The following CSF1R variants were observed in gnomAD, a reference collection of about 807,000 sequenced individuals.
CSF1R encodes macrophage colony-stimulating factor 1 receptor.
CSF1R carries 40 observed loss-of-function variants against 110.0 expected under a neutral mutation model. The ratio of observed to expected loss-of-function variants is 0.36; its 90% CI spans 0.28 to 0.47. The LOEUF (loss-of-function observed/expected upper bound fraction) is 0.47, where lower values mean the gene tolerates loss of function less well. Ranked by LOEUF, CSF1R falls within the 20% of genes least tolerant of loss-of-function variation. The pLI is 0.99. For synonymous variants in CSF1R, 523 were observed against 503.4 expected (o/e 1.04, Z -0.52); for missense variants, 1,052 against 1,253.0 (o/e 0.84, Z 2.42).
chr5:150,055,370 C>G, intron 18 of CSF1R, 34 bp from the exon 19 acceptor site: 1 of 1,568,390 alleles, frequency 6.4e-7, no homozygotes, highest in Non-Finnish European at 8.8e-7. Flanking sequence ...GAGGCCATGC[C>G]CATTGTCTTC....
chr5:150,101,513 G>A (rs1327370095), intron 1 of CSF1R, among the ~76,000 whole-genome samples: 1 of 152,202 alleles, frequency 6.6e-6, no homozygotes, highest in Non-Finnish European at 1.5e-5. Context: ...GGCAGAGGCA[G>A]GGAAGAGAAA....
chr5:150,082,963 C>T (rs1758616879), intron 1 of CSF1R, among the ~76,000 whole-genome samples: 2 of 152,164 alleles, frequency 1.3e-5, no homozygotes, highest in South Asian at 4.1e-4. Flanking sequence ...CTTCTCCCAT[C>T]CCTTCCCCCA....
intron 10 of CSF1R, among the ~76,000 whole-genome samples, chr5:150,062,524 A>T (rs1281846113): frequency 8.5e-6 from 1 of 117,068 alleles, no homozygotes; most frequent in East Asian, 2.4e-4. Context: ...GCATGTGTCT[A>T]TTGAGATTGC....
chr5:150,107,643 C>T (rs934657321), intron 1 of CSF1R, among the ~76,000 whole-genome samples: 1 of 152,236 alleles, frequency 6.6e-6, no homozygotes, highest in African/African-American at 2.4e-5. Flanking sequence ...CATGTTCAAC[C>T]ACTGTCTTTC....
chr5:150,098,890 CTTTT>C (rs34306632), intron 1 of CSF1R, among the ~76,000 whole-genome samples: 1 of 128,674 alleles, frequency 7.8e-6, no homozygotes, highest in Non-Finnish European at 1.6e-5. Context: ...ATACAAACAA[CTTTT>C]TTTTTTTTTT....
intron 1 of CSF1R, among the ~76,000 whole-genome samples, chr5:150,092,556 G>A (rs557073325): frequency 6.6e-6 from 1 of 152,282 alleles, no homozygotes; most frequent in South Asian, 2.1e-4. Context: ...TGGCTGAGGA[G>A]GCCTCAGAAT....
chr5:150,056,526 G>A (rs1164105867), intron 16 of CSF1R, among the ~76,000 whole-genome samples, 185 bp from the exon 17 acceptor site: 4 of 152,092 alleles, frequency 2.6e-5, no homozygotes, highest in South Asian at 4.2e-4. Flanking sequence ...AATGTGTATC[G>A]TGATCTGATC....
intron 5 of CSF1R, among the ~76,000 whole-genome samples, chr5:150,073,714 C>T (rs563097560): frequency 6.6e-6 from 1 of 152,294 alleles, no homozygotes; most frequent in South Asian, 2.1e-4. Flanking sequence ...AGAACCTGGG[C>T]AAATCCCTAT....
intron 1 of CSF1R, 58 bp from the exon 2 acceptor site, chr5:150,081,082 G>T: frequency 6.3e-7 from 1 of 1,584,936 alleles, no homozygotes; most frequent in Non-Finnish European, 8.6e-7. Context: ...CCCTTGGGCC[G>T]TCCTGACTCT....
rs987047281 is a variant in CSF1R, at chr5:150,060,844, G to C, written c.1969+18C>G. Reference sequence around the variant, plus strand: ...AGAGGCCCCAAGACCTTGGCCCCAGGAACCCCAAGGCCCTTACCTCCATGG... The same window carrying C: ...AGAGGCCCCAAGACCTTGGCCCCAGCAACCCCAAGGCCCTTACCTCCATGG... On this transcript the variant is annotated intron_variant, in intron 13 of 20. Coordinates refer to ENST00000675795, the MANE Select transcript of CSF1R (RefSeq NM_001288705.3). The C allele has an allele frequency of 3.8e-6, 6 of 1,563,682 alleles. No homozygotes were observed. In the African/African-American group the frequency reaches 8.1e-5, roughly 21 times the overall value.
chr5:150,091,969 T>G (rs1759058617), intron 1 of CSF1R, among the ~76,000 whole-genome samples: 1 of 147,958 alleles, frequency 6.8e-6, no homozygotes, highest in African/African-American at 2.5e-5. Context: ...GGAAATGGAA[T>G]AAAGGTAAGC....
intron 10 of CSF1R, 131 bp from the exon 11 acceptor site, chr5:150,061,980 CT>C: frequency 4.0e-6 from 5 of 1,259,520 alleles, no homozygotes; most frequent in Non-Finnish European, 4.5e-6. Flanking sequence ...GCAAGGCCTG[CT>C]CTGGGCTGAG....
intron 4 of CSF1R, 34 bp downstream of exon 4, chr5:150,078,078 G>A (rs1218119571): frequency 6.2e-7 from 1 of 1,612,196 alleles, no homozygotes; most frequent in African/African-American, 1.3e-5. Flanking sequence ...TGGGAGGATG[G>A]CCAGACTTCA....
intron 1 of CSF1R, chr5:150,094,831 G>A (rs1759167022): frequency 6.2e-6 from 8 of 1,296,234 alleles, no homozygotes; most frequent in Admixed American, 3.7e-5. Context: ...TTGATTGCTC[G>A]ATCTCTTGGT....
intron 16 of CSF1R, among the ~76,000 whole-genome samples, 189 bp downstream of exon 16, chr5:150,057,098 A>T (rs1388442196): frequency 6.6e-6 from 1 of 152,066 alleles, no homozygotes; most frequent in East Asian, 1.9e-4. Context: ...GCCCAGCCCC[A>T]GAGCTCCAGC....
chr5:150,087,207 T>C (rs983506817), upstream of CSF1R, among the ~76,000 whole-genome samples: 1 of 152,230 alleles, frequency 6.6e-6, no homozygotes, highest in African/African-American at 2.4e-5. Flanking sequence ...TGGGGAAATA[T>C]GCCCCATCCT....
At chr5:150,066,066 G>A (rs1757757297) in intron 10 of CSF1R, among the ~76,000 whole-genome samples, 1 of 152,318 alleles carries the variant, frequency 6.6e-6, no homozygotes, top group East Asian at 1.9e-4. Flanking sequence ...TCCTGTCCCT[G>A]GAGGTGGGTG....
chr5:150,095,119 A>T (rs1759182809), intron 1 of CSF1R: 1 of 697,938 alleles, frequency 1.4e-6, no homozygotes, highest in African/African-American at 2.1e-5. Context: ...TTGGAAAAAA[A>T]AAAAAAAAAA....
chr5:150,078,126 G>A lies in CSF1R; in HGVS notation c.715C>T (p.His239Tyr). 6.2e-7 allele frequency: 1 copy of A among 1,614,142 alleles called. No homozygotes were observed. The highest frequency in any genetic ancestry group is 1.1e-5 in the South Asian group (1 of 91,078). The change falls in exon 4 of 21, where the codon CAC becomes TAC. Residue 239 changes from histidine to tyrosine, a missense_variant. This residue lies in a region of CSF1R where 693 missense variants were observed against 735.4 expected (regional missense o/e 0.94). Transcript: ENST00000675795. ...VDVNFDVFLQ[H>Y]NNTKLAIPQQ... ...CAGGGACTGACCTTGGTGTTGTTGT[G>A]TTGGAGGAAGACATCAAAGTTAACA...
Sources: gnomAD v4.1 joint callset for allele counts (sites outside exome capture counted in the v4.1 genomes callset) on GRCh38, gnomAD v4.1.1 for gene constraint, gnomAD v4.1.1 regional missense constraint, MANE v1.5 for transcripts, NCBI Gene and HGNC (gene_info 2026-07-23, HGNC 2026-07-21) for gene names.